HIVEP3: variants seen among roughly 807,000 people sequenced by gnomAD.
The protein encoded by HIVEP3 is HIVEP zinc finger 3.
Under a neutral mutation model 152.8 loss-of-function variants are expected in HIVEP3, and 49 were observed. That is an observed-to-expected ratio of 0.32 (90% CI 0.26 to 0.41). The LOEUF is 0.41. Ranked by LOEUF, HIVEP3 falls within the 10% of genes least tolerant of loss-of-function variation. HIVEP3 has a pLI of 1.00. For synonymous variants in HIVEP3, 1,269 were observed against 1,289.0 expected (o/e 0.98, Z 0.33); for missense variants, 2,790 against 3,103.3 (o/e 0.90, Z 2.40).
chr1:41,944,040 T>C (rs1448170427), intron 1 of HIVEP3, among the ~76,000 whole-genome samples: 1 of 152,208 alleles, frequency 6.6e-6, no homozygotes, highest in African/African-American at 2.4e-5. Flanking sequence ...TACTGAATGA[T>C]TCCACTTATA....
At chr1:41,884,089 C>A (rs1192753321) in intron 1 of HIVEP3, among the ~76,000 whole-genome samples, 1 of 152,126 alleles carries the variant, frequency 6.6e-6, no homozygotes, top group Admixed American at 6.5e-5. Context: ...CCTCAGCCTC[C>A]CTGGTAGCTG....
At chr1:41,853,992 G>A (rs919624682) in intron 1 of HIVEP3, among the ~76,000 whole-genome samples, 2 of 152,176 alleles carry the variant, frequency 1.3e-5, no homozygotes, top group African/African-American at 4.8e-5. Flanking sequence ...GGGAAAGAAA[G>A]GCACCAGAGA....
At chr1:41,749,508 A>G (rs1455733093) in intron 1 of HIVEP3, among the ~76,000 whole-genome samples, 1 of 151,966 alleles carries the variant, frequency 6.6e-6, no homozygotes, top group Non-Finnish European at 1.5e-5. Flanking sequence ...TCAAGCTGTC[A>G]ACATAGTTTC....
chr1:41,639,064 C>A (rs1377068258), intron 2 of HIVEP3, among the ~76,000 whole-genome samples: 4 of 152,206 alleles, frequency 2.6e-5, no homozygotes, highest in Admixed American at 2.0e-4. Context: ...CTGAACGGAA[C>A]GTCTGCAGAA....
intron 1 of HIVEP3, among the ~76,000 whole-genome samples, chr1:41,822,605 C>T (rs139210015): frequency 2.0e-5 from 3 of 152,290 alleles, no homozygotes; most frequent in Non-Finnish European, 2.9e-5. Flanking sequence ...GTATCTGTCA[C>T]GGAAGAAGCT....
intron 1 of HIVEP3, among the ~76,000 whole-genome samples, chr1:41,903,303 C>T (rs1644655795): frequency 6.6e-6 from 1 of 152,186 alleles, no homozygotes; most frequent in Non-Finnish European, 1.5e-5. Context: ...GAGCCAGGCT[C>T]AGCAACTGCC....
chr1:42,009,624 T>C (rs1354702073), intron 1 of HIVEP3, among the ~76,000 whole-genome samples: 1 of 152,162 alleles, frequency 6.6e-6, no homozygotes, highest in Non-Finnish European at 1.5e-5. Context: ...ACTTAGCCAG[T>C]GTGTAACTTC....
intron 1 of HIVEP3, among the ~76,000 whole-genome samples, chr1:41,969,946 GA>G (rs1384956827): frequency 9.2e-5 from 14 of 151,888 alleles, no homozygotes; most frequent in African/African-American, 2.9e-4. Flanking sequence ...CAACAAGCAT[GA>G]AAAAAAGCTC....
chr1:41,782,432 G>A (rs978293914), intron 1 of HIVEP3, among the ~76,000 whole-genome samples: 1 of 152,116 alleles, frequency 6.6e-6, no homozygotes, highest in African/African-American at 2.4e-5. Context: ...TGTAATGTAT[G>A]CTTAAAAATG....
At chr1:41,655,582 C>CA (rs55918119) in intron 2 of HIVEP3, among the ~76,000 whole-genome samples, 4,360 of 57,168 alleles carry the variant, frequency 0.076, 273 homozygotes, top group Middle Eastern at 0.11. Flanking sequence ...CACTCCATCT[C>CA]AAAAAAAAAA....
chr1:41,682,503 G>A (rs369322974), intron 2 of HIVEP3, among the ~76,000 whole-genome samples: 2 of 152,202 alleles, frequency 1.3e-5, no homozygotes, highest in Admixed American at 1.3e-4. Flanking sequence ...CGAATACCCT[G>A]TGGTTGGTGT....
At chr1:41,525,421 G>A (rs1358150369) in intron 5 of HIVEP3, among the ~76,000 whole-genome samples, 1 of 152,186 alleles carries the variant, frequency 6.6e-6, no homozygotes, top group Non-Finnish European at 1.5e-5. Flanking sequence ...TTTAGAGACA[G>A]TGAGAGACTT....
intron 2 of HIVEP3, among the ~76,000 whole-genome samples, chr1:41,653,690 T>TCGG (rs2124022514): frequency 6.6e-6 from 1 of 152,308 alleles, no homozygotes. Context: ...CGACACCAAA[T>TCGG]GTTCGCATGC....
intron 1 of HIVEP3, among the ~76,000 whole-genome samples, chr1:41,751,265 C>G (rs1445187568): frequency 6.8e-6 from 1 of 147,972 alleles, no homozygotes; most frequent in East Asian, 2.0e-4. Context: ...AACTGGCAGG[C>G]TTTATTTCCA....
intron 5 of HIVEP3, among the ~76,000 whole-genome samples, chr1:41,528,976 A>ACG (rs1643131533): frequency 1.3e-5 from 1 of 79,962 alleles, no homozygotes; most frequent in Admixed American, 1.5e-4. Context: ...CCACCCTCAC[A>ACG]CTCACCTTCA....
At chr1:41,906,366 T>C (rs1352055505) in intron 1 of HIVEP3, among the ~76,000 whole-genome samples, 1 of 120,134 alleles carries the variant, frequency 8.3e-6, no homozygotes, top group East Asian at 2.4e-4. Context: ...GCCACACAAA[T>C]AATGAATTGC....
rs542082623 is a variant in HIVEP3, at chr1:41,888,129, G to C, written c.-801+30284C>G. On this transcript the variant is annotated intron_variant, in intron 1 of 8. Transcript: ENST00000372583. ...CAGCTCACTGCAAGCTCCGCCTCCT[G>C]GGTTCACGCCATTCTCCTGCCTCAG... Among the ~76,000 whole-genome samples the C allele has an allele frequency of 3.3e-5, 5 of 149,554 alleles. No individual in the cohort carries two copies. In the South Asian group the frequency reaches 1.1e-3, roughly 32 times the overall value.
chr1:41,731,073 C>T (rs1054384137), intron 1 of HIVEP3, among the ~76,000 whole-genome samples: 1 of 152,156 alleles, frequency 6.6e-6, no homozygotes, highest in Non-Finnish European at 1.5e-5. Flanking sequence ...GAACTCACTA[C>T]CTCCTAGAGT....
rs766744081 is a variant in HIVEP3, at chr1:41,510,717, G to A, written c.6955C>T (p.Pro2319Ser). ...CTPPDTLPRPPQGRRAAQSWS... is the reference protein window; with the variant it reads ...CTPPDTLPRPSQGRRAAQSWS... The stretch of plus-strand genomic sequence containing the variant: ...GACTGCGCTGCCCGGCGTCCCTGGG[G>A]CGGCCGGGGCAAGGTGTCGGGTGGG... Residue 2319 changes from proline to serine, a missense_variant, in exon 9 of 9, where the codon CCC becomes TCC. Pro to Ser is a moderately conservative substitution (Grantham distance 74). Coordinates refer to ENST00000372583, the MANE Select transcript of HIVEP3 (RefSeq NM_024503.5). 1.0e-5 allele frequency: 16 copies of A among 1,534,058 alleles called. No homozygotes were observed. In the African/African-American group the frequency reaches 2.1e-4, roughly 20 times the overall value.
Sources: allele counts gnomAD v4.1 joint callset (sites outside exome capture counted in the v4.1 genomes callset), GRCh38; gene constraint gnomAD v4.1.1; transcripts MANE v1.5; gene names NCBI Gene and HGNC (gene_info 2026-07-23, HGNC 2026-07-21).